FGD4: variants seen among roughly 807,000 people sequenced by gnomAD.
FGD4 encodes FYVE, RhoGEF and PH domain containing 4, also known as FYVE, RhoGEF and PH domain-containing protein 4.
A neutral mutation model predicts 102.0 loss-of-function variants in FGD4; 42 were observed. The observed-to-expected ratio is 0.41, with a 90% CI of 0.32 to 0.53. FGD4 has a LOEUF of 0.53. FGD4 is among the 20% of genes least tolerant of loss of function. FGD4 has a pLI of 0.21. For synonymous variants in FGD4, 380 were observed against 375.7 expected (o/e 1.01, Z -0.13); for missense variants, 902 against 1,078.2 (o/e 0.84, Z 2.29).
At chr12:32,535,641 A>T (rs1489330477) in intron 1 of FGD4, among the ~76,000 whole-genome samples, 3 of 7,008 alleles carry the variant, frequency 4.3e-4, no homozygotes, top group African/African-American at 4.5e-3. Context: ...TATGAAATTA[A>T]AAAAAAAAAA....
intron 7 of FGD4, among the ~76,000 whole-genome samples, chr12:32,602,560 C>T (rs1328206208): frequency 6.6e-6 from 1 of 152,172 alleles, no homozygotes. Flanking sequence ...TTAGGGTCTA[C>T]ATAAATTTAC....
At chr12:32,613,312 AG>A (rs1949260296) in intron 10 of FGD4, among the ~76,000 whole-genome samples, 1 of 152,232 alleles carries the variant, frequency 6.6e-6, no homozygotes, top group Admixed American at 6.5e-5. Context: ...GTTCAGTACA[AG>A]GGGTCTTGAA....
intron 1 of FGD4, among the ~76,000 whole-genome samples, chr12:32,472,254 C>T (rs368298457): frequency 3.9e-5 from 6 of 152,208 alleles, no homozygotes; most frequent in Admixed American, 6.5e-5. Context: ...TGGCCAAGGC[C>T]GGAGCCCACT....
rs1354640432 is a variant in FGD4 at position 32,506,896 on chromosome 12, AG to A, written c.167-57240del. On this transcript the variant is annotated intron_variant, in intron 1 of 16. Transcript: ENST00000534526. The surrounding 1 kb of genome is among the most constrained non-coding windows in gnomAD (Gnocchi z 4.5). ...GTGATGACAAAATGGGCTATGTTAAAGAGGGAGTTGAGGGTGGCAAACTTTA... is the reference window on the plus strand; with the variant it reads ...GTGATGACAAAATGGGCTATGTTAAAAGGGAGTTGAGGGTGGCAAACTTTA... 6.6e-6 allele frequency among the ~76,000 whole-genome samples: 1 copy of A among 152,186 alleles called. No individual in the cohort carries two copies. Among genetic ancestry groups the A allele is most frequent in the Non-Finnish European group, 1.5e-5 (1 of 68,028 alleles).
intron 2 of FGD4, among the ~76,000 whole-genome samples, chr12:32,568,851 A>G (rs1175348137): frequency 1.3e-5 from 2 of 152,218 alleles, no homozygotes; most frequent in African/African-American, 4.8e-5. Flanking sequence ...GTTTCTTTTC[A>G]TTCTAGATAA....
At chr12:32,634,471 A>G (rs1422506882) in intron 15 of FGD4, among the ~76,000 whole-genome samples, 2 of 152,164 alleles carry the variant, frequency 1.3e-5, no homozygotes, top group African/African-American at 2.4e-5. Context: ...TAATTTGACT[A>G]ATGTTCTGGA....
chr12:32,463,861 A>G (rs889520605), intron 1 of FGD4, among the ~76,000 whole-genome samples: 1 of 152,236 alleles, frequency 6.6e-6, no homozygotes, highest in African/African-American at 2.4e-5. Flanking sequence ...AAAATGGCAG[A>G]AGAAGATTTA....
chr12:32,597,927 G>C (rs908675603), intron 4 of FGD4, among the ~76,000 whole-genome samples: 10 of 152,104 alleles, frequency 6.6e-5, no homozygotes, highest in Non-Finnish European at 8.8e-5. Flanking sequence ...ACCCAGGCTA[G>C]AGTGCAGTGG....
chr12:32,635,444 T>C (rs556618289), intron 15 of FGD4, among the ~76,000 whole-genome samples: 1 of 152,318 alleles, frequency 6.6e-6, no homozygotes, highest in East Asian at 1.9e-4. Flanking sequence ...ATGAAATAAA[T>C]ATATAGTATG....
intron 1 of FGD4, among the ~76,000 whole-genome samples, chr12:32,552,423 C>T (rs916081099): frequency 4.1e-5 from 6 of 145,578 alleles, no homozygotes; most frequent in African/African-American, 1.3e-4. Context: ...CCATGCCCGA[C>T]TAATTTTTGC....
At position 32,495,169 on chromosome 12, in the gene FGD4, T is replaced by A. The variant is rs1592011866; in HGVS notation, c.167-68968T>A. ...CTCATTGATCTTCCTGAGAGGATGG[T>A]ACCAAATATTATGCCTGTTTATTTC... On this transcript the variant is annotated intron_variant, in intron 1 of 16. Coordinates refer to ENST00000534526, the MANE Select transcript of FGD4 (RefSeq NM_001370298.3). Among the ~76,000 whole-genome samples the A allele has an allele frequency of 2.0e-5, 3 of 152,276 alleles. No individual in the cohort carries two copies. The East Asian group carries it at 5.8e-4, about 29-fold the overall frequency.
intron 1 of FGD4, among the ~76,000 whole-genome samples, chr12:32,423,688 T>C (rs1285439972): frequency 1.3e-5 from 2 of 151,948 alleles, no homozygotes; most frequent in Non-Finnish European, 2.9e-5. Context: ...GTTGACTATT[T>C]TTATGGTTAT....
intron 1 of FGD4, among the ~76,000 whole-genome samples, chr12:32,543,662 T>TG (rs1208947777): frequency 6.6e-6 from 1 of 152,194 alleles, no homozygotes; most frequent in Non-Finnish European, 1.5e-5. Context: ...GGTCTCACTG[T>TG]GTTGCCCAGG....
chr12:32,550,933 C>T (rs1016063502), intron 1 of FGD4, among the ~76,000 whole-genome samples: 3 of 152,034 alleles, frequency 2.0e-5, no homozygotes, highest in East Asian at 1.9e-4. Flanking sequence ...AGCTGCGTAT[C>T]GGTTGTTAGG....
chr12:32,572,405 A>G (rs1462938324), intron 2 of FGD4, among the ~76,000 whole-genome samples: 1 of 152,224 alleles, frequency 6.6e-6, no homozygotes, highest in Non-Finnish European at 1.5e-5. Flanking sequence ...TCAGAGTGTG[A>G]AACACAAATC....
intron 1 of FGD4, among the ~76,000 whole-genome samples, chr12:32,410,221 G>C (rs902803260): frequency 1.3e-5 from 2 of 151,984 alleles, no homozygotes; most frequent in Admixed American, 6.6e-5. Context: ...CCAGCTACTC[G>C]GGAGGCTGAG....
At chr12:32,639,389 C>T (rs1951033446) in intron 16 of FGD4, among the ~76,000 whole-genome samples, 1 of 152,212 alleles carries the variant, frequency 6.6e-6, no homozygotes, top group South Asian at 2.1e-4. Context: ...GTCTTGAACT[C>T]CTGACCTCAG....
At chr12:32,482,456 G>C (rs147700878) in intron 1 of FGD4, among the ~76,000 whole-genome samples, 1 of 152,162 alleles carries the variant, frequency 6.6e-6, no homozygotes, top group South Asian at 2.1e-4. Flanking sequence ...TTTCTGGCTC[G>C]AAGTGACCTT....
chr12:32,489,812 A>T (rs942349742), intron 1 of FGD4, among the ~76,000 whole-genome samples: 6 of 152,124 alleles, frequency 3.9e-5, no homozygotes, highest in African/African-American at 7.2e-5. Flanking sequence ...TTTATATATT[A>T]AAAAAATCAA....
Sources: allele counts gnomAD v4.1 joint callset (sites outside exome capture counted in the v4.1 genomes callset), GRCh38; gene constraint gnomAD v4.1.1; non-coding constraint Gnocchi (gnomAD v3.1); transcripts MANE v1.5; gene names NCBI Gene and HGNC (gene_info 2026-07-23, HGNC 2026-07-21).